ADCK1: variants seen among roughly 807,000 people sequenced by gnomAD.
ADCK1 encodes aarF domain-containing protein kinase 1.
Under a neutral mutation model 52.3 loss-of-function variants are expected in ADCK1, and 41 were observed. The observed-to-expected ratio is 0.78, with a 90% CI of 0.61 to 1.02. ADCK1 has a LOEUF of 1.02. Among genes scored for constraint, ADCK1 ranks in the 50% least tolerant of loss-of-function variants. The pLI, the probability that ADCK1 is intolerant of heterozygous loss-of-function variation, is 0.00. For missense variants in ADCK1, 658 were observed against 679.5 expected (o/e 0.97, Z 0.35); for synonymous variants, 250 against 274.6 (o/e 0.91, Z 0.89).
intron 6 of ADCK1, among the ~76,000 whole-genome samples, chr14:77,904,161 T>C (rs1307062141): frequency 6.6e-6 from 1 of 152,204 alleles, no homozygotes; most frequent in Admixed American, 6.5e-5. Context: ...ATCAGAGCCC[T>C]CTGTGAAACT....
At chr14:77,913,701 A>G (rs569977035) in intron 7 of ADCK1, among the ~76,000 whole-genome samples, 1 of 152,364 alleles carries the variant, frequency 6.6e-6, no homozygotes, top group South Asian at 2.1e-4. Context: ...GAAATTAGCC[A>G]AGAAAGAGGT....
chr14:77,880,211 T>G (rs1490091703), intron 4 of ADCK1, among the ~76,000 whole-genome samples: 1 of 152,228 alleles, frequency 6.6e-6, no homozygotes, highest in Non-Finnish European at 1.5e-5. Context: ...AGAAGCTTGG[T>G]CTGACCTGTG....
At chr14:77,899,499 T>G (rs1345715678) in intron 6 of ADCK1, among the ~76,000 whole-genome samples, 4 of 152,236 alleles carry the variant, frequency 2.6e-5, no homozygotes, top group African/African-American at 9.6e-5. Context: ...TATTGAATAA[T>G]CGACAACTAC....
intron 5 of ADCK1, among the ~76,000 whole-genome samples, chr14:77,890,450 C>T (rs2083260230): frequency 6.6e-6 from 1 of 152,186 alleles, no homozygotes; most frequent in Non-Finnish European, 1.5e-5. Flanking sequence ...GCCTTGGAAA[C>T]TACATAGGAT....
intron 3 of ADCK1, among the ~76,000 whole-genome samples, chr14:77,827,028 C>T (rs569827023): frequency 2.0e-5 from 3 of 152,172 alleles, no homozygotes; most frequent in East Asian, 1.9e-4. Context: ...GAGGGGAAAG[C>T]CTGTCTGTGA....
intron 3 of ADCK1, among the ~76,000 whole-genome samples, chr14:77,844,383 A>G (rs958052452): frequency 1.3e-5 from 2 of 152,132 alleles, no homozygotes; most frequent in Admixed American, 1.3e-4. Flanking sequence ...GCCTGGCCTG[A>G]TCATAATTTC....
intron 1 of ADCK1, among the ~76,000 whole-genome samples, chr14:77,809,838 C>A (rs1594850522): frequency 3.3e-5 from 5 of 151,082 alleles, no homozygotes; most frequent in Admixed American, 3.3e-4. Flanking sequence ...AGTTCGAGAC[C>A]AGCCTGACCA....
In ADCK1 at chr14:77,899,269, C is replaced by T. The variant is rs2287650; in HGVS notation, c.741+11C>T. ...TTTGACTTCTTGAAGGTAGGTGGGA[C>T]GATGCAATGCAGGGTATGGTGGTCT... On this transcript the variant is annotated intron_variant, in intron 6 of 10. Transcript: ENST00000238561. The T allele has an allele frequency of 0.42, 677,732 of 1,613,262 alleles. 145,424 individuals carry two copies. Among genetic ancestry groups the T allele is most frequent in the Admixed American group, 0.55 (32,935 of 59,982 alleles).
intron 7 of ADCK1, among the ~76,000 whole-genome samples, chr14:77,912,406 G>A (rs2083812842): frequency 6.6e-6 from 1 of 150,880 alleles, no homozygotes; most frequent in Non-Finnish European, 1.5e-5. Context: ...TAACATCAAA[G>A]CCACGGCCTT....
At chr14:77,826,608 A>G (rs1180461005) in intron 3 of ADCK1, among the ~76,000 whole-genome samples, 1 of 152,110 alleles carries the variant, frequency 6.6e-6, no homozygotes, top group African/African-American at 2.4e-5. Flanking sequence ...TGGCTTATTC[A>G]TAAAGCATAC....
intron 7 of ADCK1, among the ~76,000 whole-genome samples, chr14:77,911,323 G>A (rs2083786488): frequency 6.6e-6 from 1 of 152,170 alleles, no homozygotes; most frequent in Admixed American, 6.5e-5. Flanking sequence ...ATAGGTTGGT[G>A]CAAAGGTAAA....
chr14:77,858,280 C>CAGGCT (rs1236372147), intron 3 of ADCK1, among the ~76,000 whole-genome samples: 1 of 152,170 alleles, frequency 6.6e-6, no homozygotes, highest in African/African-American at 2.4e-5. Flanking sequence ...CTCTGTTGCC[C>CAGGCT]AGGCTAGAGT....
Position 77,905,396 on chromosome 14 carries a change from C to T in ADCK1, c.742-2407C>T, listed in dbSNP as rs118122016. 3.7e-3 allele frequency among the ~76,000 whole-genome samples: 558 copies of T among 149,094 alleles called. 16 individuals are homozygous for T. The South Asian group carries it at 0.059, about 16-fold the overall frequency. On this transcript the variant is annotated intron_variant, in intron 6 of 10. Transcript: ENST00000238561. ...CGTATTCTTCACCCACTGCAACCTC[C>T]GTCTCCCAGGTTCTAGCGATTCTCT...
rs199757829 is a variant in ADCK1 at position 77,931,626 on chromosome 14, C to A, written c.1315C>A (p.Arg439Ser). The A allele has an allele frequency of 2.5e-6, 4 of 1,612,978 alleles. No homozygotes were observed. Among genetic ancestry groups the A allele is most frequent in the Non-Finnish European group, 3.4e-6 (4 of 1,180,042 alleles). ...LLILKTNDLL[R>S]GIEAALGTRA... The stretch of plus-strand genomic sequence containing the variant: ...CATCTTGAAGACCAACGACCTGCTG[C>A]GTGGCATTGAGGCCGCCCTGGGCAC... Residue 439 changes from arginine (R) to serine (S), a missense_variant, in exon 10 of 11, where the codon CGT becomes AGT. Transcript: ENST00000238561.
At chr14:77,909,148 T>TC (rs1555358638) in intron 7 of ADCK1, among the ~76,000 whole-genome samples, 20 of 148,708 alleles carry the variant, frequency 1.3e-4, no homozygotes, top group Admixed American at 5.3e-4. Flanking sequence ...TTTTTTTTTT[T>TC]CCCTGAGACG....
intron 4 of ADCK1, among the ~76,000 whole-genome samples, chr14:77,871,824 G>A (rs12433254): frequency 0.13 from 19,413 of 152,166 alleles, 1,496 homozygotes; most frequent in African/African-American, 0.19. Flanking sequence ...TGCTCTGTGA[G>A]AGTAAGTACT....
chr14:77,848,865 G>A (rs944330998), intron 3 of ADCK1, among the ~76,000 whole-genome samples: 6 of 150,140 alleles, frequency 4.0e-5, no homozygotes, highest in African/African-American at 7.4e-5. Flanking sequence ...TCACTCTGTC[G>A]CCCAGGCTGG....
At chr14:77,808,135 G>A (rs953185213) in intron 1 of ADCK1, among the ~76,000 whole-genome samples, 2 of 152,244 alleles carry the variant, frequency 1.3e-5, no homozygotes, top group African/African-American at 4.8e-5. Context: ...AGTTCAACCA[G>A]CAGGTGGGTG....
chr14:77,844,965 G>A (rs1165394463), intron 3 of ADCK1, among the ~76,000 whole-genome samples: 1 of 152,174 alleles, frequency 6.6e-6, no homozygotes, highest in East Asian at 1.9e-4. Context: ...TGTGCCACGG[G>A]CACAGTAACA....
Sources: allele counts gnomAD v4.1 joint callset (sites outside exome capture counted in the v4.1 genomes callset), GRCh38; gene constraint gnomAD v4.1.1; transcripts MANE v1.5; gene names NCBI Gene and HGNC (gene_info 2026-07-23, HGNC 2026-07-21).